Variants in GPC5 observed in about 807,000 individuals in gnomAD.
The protein encoded by GPC5 is glypican 5.
Under a neutral mutation model 53.9 loss-of-function variants are expected in GPC5, and 47 were observed. The ratio of observed to expected loss-of-function variants is 0.87; its 90% CI spans 0.69 to 1.11. The LOEUF is 1.11. GPC5 is among the 50% of genes most tolerant of loss of function. The pLI is 0.00. For synonymous variants in GPC5, 286 were observed against 263.3 expected, an observed-to-expected ratio of 1.09 and a Z score of -0.84; for missense variants, 748 against 713.1, an observed-to-expected ratio of 1.05 and a Z score of -0.56.
At chr13:91,924,295 A>G (rs980635872) in intron 6 of GPC5, among the ~76,000 whole-genome samples, 7 of 152,354 alleles carry the variant, frequency 4.6e-5, no homozygotes, top group South Asian at 2.1e-4. Flanking sequence ...ATTATTTTAT[A>G]TCATCCAAAA....
chr13:91,803,695 A>G (rs1251531467), intron 5 of GPC5, among the ~76,000 whole-genome samples: 1 of 151,758 alleles, frequency 6.6e-6, no homozygotes, highest in Non-Finnish European at 1.5e-5. Context: ...TTTTAAATTA[A>G]TTGTTGAATT....
intron 6 of GPC5, chr13:91,994,404 C>A (rs2040485431): frequency 6.6e-6 from 1 of 152,154 alleles, no homozygotes. Flanking sequence ...CATGGATTTT[C>A]CTTATATTCA....
intron 6 of GPC5, among the ~76,000 whole-genome samples, chr13:91,908,887 A>C (rs2039582105): frequency 6.6e-6 from 1 of 152,152 alleles, no homozygotes; most frequent in Non-Finnish European, 1.5e-5. Flanking sequence ...AGTCAGAAAC[A>C]ATACCTGAAT....
chr13:92,818,980 C>A (rs531382626), intron 7 of GPC5, among the ~76,000 whole-genome samples: 1 of 151,902 alleles, frequency 6.6e-6, no homozygotes, highest in Non-Finnish European at 1.5e-5. Flanking sequence ...TGGTAACTTG[C>A]TGCTTCCTTC....
intron 7 of GPC5, among the ~76,000 whole-genome samples, chr13:92,490,635 TATATAAAAG>T (rs1264711939): frequency 6.6e-6 from 1 of 152,162 alleles, no homozygotes; most frequent in African/African-American, 2.4e-5. Flanking sequence ...GTGACTAACG[TATATAAAAG>T]ATATAAAAGT....
chr13:92,051,199 C>CTTTTT (rs72346282), intron 6 of GPC5, among the ~76,000 whole-genome samples: 4 of 73,904 alleles, frequency 5.4e-5, no homozygotes, highest in African/African-American at 1.3e-4. Context: ...TCATTTTTTT[C>CTTTTT]TTTTTTTTTT....
chr13:92,462,936 A>C (rs1218248584), intron 7 of GPC5, among the ~76,000 whole-genome samples: 1 of 151,956 alleles, frequency 6.6e-6, no homozygotes, highest in Non-Finnish European at 1.5e-5. Flanking sequence ...GGTTTTGTTC[A>C]TTTTTAAATC....
At chr13:92,536,057 T>C (rs1165374892) in intron 7 of GPC5, among the ~76,000 whole-genome samples, 1 of 152,142 alleles carries the variant, frequency 6.6e-6, no homozygotes, top group Non-Finnish European at 1.5e-5. Flanking sequence ...TTAATAGTTA[T>C]TATATGAAAA....
At chr13:92,109,916 A>C (rs185684348) in intron 6 of GPC5, among the ~76,000 whole-genome samples, 166 of 152,308 alleles carry the variant, frequency 1.1e-3, no homozygotes, top group African/African-American at 3.8e-3. Context: ...TTAGTTTAGA[A>C]CTAGTCCCTA....
At chr13:91,847,018 G>A (rs1396163784) in intron 5 of GPC5, among the ~76,000 whole-genome samples, 1 of 151,930 alleles carries the variant, frequency 6.6e-6, no homozygotes, top group Non-Finnish European at 1.5e-5. Flanking sequence ...AGGAGATCGA[G>A]ACCATCCTGG....
intron 7 of GPC5, among the ~76,000 whole-genome samples, chr13:92,250,543 C>T (rs1212905682): frequency 2.0e-5 from 3 of 151,984 alleles, no homozygotes; most frequent in Admixed American, 2.0e-4. Flanking sequence ...AACACTCGGG[C>T]AAAGAGTAAG....
intron 7 of GPC5, among the ~76,000 whole-genome samples, chr13:92,145,397 T>A (rs2041859902): frequency 6.6e-6 from 1 of 152,156 alleles, no homozygotes; most frequent in Non-Finnish European, 1.5e-5. Context: ...ATTGCACTTC[T>A]ATCATAGTCA....
intron 7 of GPC5, among the ~76,000 whole-genome samples, chr13:92,270,884 A>G (rs1005782571): frequency 6.6e-6 from 1 of 152,242 alleles, no homozygotes; most frequent in Non-Finnish European, 1.5e-5. Flanking sequence ...CTATGCTTAT[A>G]TAATACATAA....
At chr13:92,451,532 C>T (rs2139398909) in intron 7 of GPC5, among the ~76,000 whole-genome samples, 1 of 151,104 alleles carries the variant, frequency 6.6e-6, no homozygotes, top group South Asian at 2.1e-4. Context: ...AGATAGGAAT[C>T]AAAGTGATTA....
intron 2 of GPC5, among the ~76,000 whole-genome samples, chr13:91,658,820 C>G (rs1285931196): frequency 6.6e-6 from 1 of 152,108 alleles, no homozygotes; most frequent in Non-Finnish European, 1.5e-5. Context: ...AAGTTACTTC[C>G]TACCTCGGGG....
In GPC5 at chr13:92,333,217, A is replaced by G. The variant is rs1280404728; in HGVS notation, c.1561+188228A>G. Among the ~76,000 whole-genome samples the G allele has an allele frequency of 7.9e-5, 12 of 152,122 alleles. No individual in the cohort carries two copies. The South Asian group carries it at 2.5e-3, about 32-fold the overall frequency. ...TGTGAGATTTACCTCCAGGAACTCT[A>G]CCCACTTCTCTTAGTAAATATCAGA... On this transcript the variant is annotated intron_variant, in intron 7 of 7. Transcript: ENST00000377067.
At chr13:91,603,221 T>C (rs2033237785) in intron 2 of GPC5, among the ~76,000 whole-genome samples, 1 of 152,212 alleles carries the variant, frequency 6.6e-6, no homozygotes, top group Non-Finnish European at 1.5e-5. Context: ...CCAGACCACC[T>C]GGCAGGAAGA....
intron 7 of GPC5, among the ~76,000 whole-genome samples, chr13:92,508,455 G>T (rs1357802847): frequency 6.6e-6 from 1 of 152,120 alleles, no homozygotes; most frequent in Admixed American, 6.6e-5. Context: ...ATTATGAATT[G>T]TGTATTGTTT....
At chr13:91,651,260 G>A (rs1594381803) in intron 2 of GPC5, among the ~76,000 whole-genome samples, 1 of 151,852 alleles carries the variant, frequency 6.6e-6, no homozygotes, top group East Asian at 1.9e-4. Flanking sequence ...AGGCACATGA[G>A]GTCTACTCAC....
Sources: gnomAD v4.1 joint callset for allele counts (sites outside exome capture counted in the v4.1 genomes callset) on GRCh38, gnomAD v4.1.1 for gene constraint, MANE v1.5 for transcripts, NCBI Gene and HGNC (gene_info 2026-07-23, HGNC 2026-07-21) for gene names.